Variants in POFUT3 observed in about 807,000 individuals in gnomAD.
POFUT3 encodes the protein protein O-fucosyltransferase 3.
the POFUT3 span, among the ~76,000 whole-genome samples, chr8:33,411,604 G>A: frequency 1.3e-5 from 2 of 152,034 alleles, no homozygotes; most frequent in East Asian, 1.9e-4. Context: ...CCTGGCCAAC[G>A]TGGTGAAACC....
chr8:33,389,841 T>C, the POFUT3 span: 1 of 1,403,630 alleles, frequency 7.1e-7, no homozygotes, highest in Non-Finnish European at 1.0e-6. Context: ...TTCCAAAAGA[T>C]GTTGCTAAGT....
At chr8:33,373,342 C>G in the POFUT3 span, among the ~76,000 whole-genome samples, 1 of 152,174 alleles carries the variant, frequency 6.6e-6, no homozygotes, top group Non-Finnish European at 1.5e-5. Flanking sequence ...TTACATCTAT[C>G]TATGTTGTCA....
the POFUT3 span, among the ~76,000 whole-genome samples, chr8:33,432,701 G>T: frequency 1.3e-5 from 2 of 152,010 alleles, no homozygotes; most frequent in East Asian, 3.9e-4. Context: ...CTTATATAAA[G>T]GCCTGAATAT....
the POFUT3 span, among the ~76,000 whole-genome samples, chr8:33,382,899 T>C: frequency 5.3e-5 from 8 of 152,168 alleles, no homozygotes; most frequent in Admixed American, 1.3e-4. Flanking sequence ...CCTCCTTCCA[T>C]GTGACTTCCT....
the POFUT3 span, among the ~76,000 whole-genome samples, chr8:33,458,882 G>A: frequency 6.6e-6 from 1 of 152,210 alleles, no homozygotes; most frequent in Non-Finnish European, 1.5e-5. Flanking sequence ...GAAGGCAGCA[G>A]TAGAAATACA....
the POFUT3 span, among the ~76,000 whole-genome samples, chr8:33,421,656 G>T: frequency 3.8e-4 from 58 of 152,294 alleles, no homozygotes; most frequent in East Asian, 0.01. Context: ...TGCAGTGCTG[G>T]ACAGAAGTCT....
At chr8:33,407,212 G>GA in the POFUT3 span, among the ~76,000 whole-genome samples, 1 of 152,164 alleles carries the variant, frequency 6.6e-6, no homozygotes, top group Non-Finnish European at 1.5e-5. Context: ...ATCAACAGAA[G>GA]AACGTGTTCT....
chr8:33,373,291 G>C, the POFUT3 span, among the ~76,000 whole-genome samples: 15 of 152,062 alleles, frequency 9.9e-5, no homozygotes, highest in African/African-American at 3.6e-4. Context: ...ATATGTTATT[G>C]TATGTCTCAT....
At chr8:33,377,003 C>T in the POFUT3 span, among the ~76,000 whole-genome samples, 21 of 152,154 alleles carry the variant, frequency 1.4e-4, no homozygotes, top group Middle Eastern at 6.8e-3. Context: ...TAGGCTGAGG[C>T]GGGTGGATCA....
At chr8:33,334,029 A>G in the POFUT3 span, among the ~76,000 whole-genome samples, 1 of 152,182 alleles carries the variant, frequency 6.6e-6, no homozygotes, top group Non-Finnish European at 1.5e-5. Flanking sequence ...TAAGGAAAAT[A>G]TCATCTGTCT....
chr8:33,368,640 C>A, the POFUT3 span, among the ~76,000 whole-genome samples: 1 of 152,052 alleles, frequency 6.6e-6, no homozygotes, highest in South Asian at 2.1e-4. Context: ...TTTCTTATTG[C>A]AAGCACATTG....
chr8:33,398,003 A>C, the POFUT3 span, among the ~76,000 whole-genome samples: 1 of 152,224 alleles, frequency 6.6e-6, no homozygotes, highest in African/African-American at 2.4e-5. Context: ...TAAACAAAAT[A>C]AGCCCCAAGG....
chr8:33,362,686 A>C, the POFUT3 span, among the ~76,000 whole-genome samples: 2 of 152,178 alleles, frequency 1.3e-5, no homozygotes, highest in Non-Finnish European at 2.9e-5. Flanking sequence ...GCCATTACAT[A>C]ATGGTAAAGG....
the POFUT3 span, among the ~76,000 whole-genome samples, chr8:33,440,510 G>T: frequency 2.2e-3 from 339 of 152,214 alleles, 2 homozygotes; most frequent in Non-Finnish European, 4.0e-3. Flanking sequence ...TAGGTTTTTA[G>T]ATGCCAGTTG....
chr8:33,450,145 T>A, the POFUT3 span, among the ~76,000 whole-genome samples: 1 of 152,162 alleles, frequency 6.6e-6, no homozygotes, highest in Non-Finnish European at 1.5e-5. Context: ...TTCACCATGT[T>A]GGCCAGGCTG....
chr8:33,382,285 C>CTCAA, the POFUT3 span, among the ~76,000 whole-genome samples: 5 of 152,086 alleles, frequency 3.3e-5, no homozygotes, highest in African/African-American at 9.7e-5. Context: ...GAGACCCTGT[C>CTCAA]TCAATCAATC....
chr8:33,316,337 A>T, the POFUT3 span, among the ~76,000 whole-genome samples: 1 of 152,112 alleles, frequency 6.6e-6, no homozygotes, highest in South Asian at 2.1e-4. Flanking sequence ...ATGGTTACTA[A>T]GGGGTAACAT....
chr8:33,420,135 T>A, the POFUT3 span, among the ~76,000 whole-genome samples: 2 of 152,010 alleles, frequency 1.3e-5, no homozygotes, highest in African/African-American at 2.4e-5. Context: ...TCTCAAAAAA[T>A]AAATAAATAA....
chr8:33,323,346 T>G, the POFUT3 span, among the ~76,000 whole-genome samples: 10 of 152,324 alleles, frequency 6.6e-5, no homozygotes, highest in Non-Finnish European at 1.2e-4. Flanking sequence ...TCCACAGGAA[T>G]GACAGTGCGT....
Sources: gnomAD v4.1 joint callset for allele counts (sites outside exome capture counted in the v4.1 genomes callset) on GRCh38, gnomAD v4.1.1 for gene constraint, MANE v1.5 for transcripts, NCBI Gene and HGNC (gene_info 2026-07-23, HGNC 2026-07-21) for gene names.